The following HEPH variants were observed in gnomAD, a reference collection of about 807,000 sequenced individuals.
HEPH encodes the protein hephaestin.
Under a neutral mutation model 80.8 loss-of-function variants are expected in HEPH, and 69 were observed. That is an observed-to-expected ratio of 0.85 (90% CI 0.70 to 1.04). The LOEUF (loss-of-function observed/expected upper bound fraction) is 1.04, where lower values mean the gene tolerates loss of function less well. HEPH is among the 50% of genes least tolerant of loss of function. HEPH has a pLI of 0.00. For missense variants in HEPH, 1,115 were observed against 891.3 expected, an observed-to-expected ratio of 1.25 and a Z score of -3.20; for synonymous variants, 431 against 322.8, an observed-to-expected ratio of 1.34 and a Z score of -3.60.
At chrX:66,212,526 C>G (rs1158330322) in intron 15 of HEPH, among the ~76,000 whole-genome samples, 1 of 111,656 alleles carries the variant, frequency 9.0e-6, no homozygotes, top group Non-Finnish European at 1.9e-5. Flanking sequence ...TTTTATTCTT[C>G]TGCATGTGGC....
At position 66,189,675 on chromosome X, in the gene HEPH, C is replaced by A. The variant is rs2087685324; in HGVS notation, c.809-9C>A. Reference sequence around the variant, plus strand: ...AATCCTGATATTTTCTTTGGGTTTTCTTTTGCAGCAATCAATGGCTTTGTT... The same window carrying A: ...AATCCTGATATTTTCTTTGGGTTTTATTTTGCAGCAATCAATGGCTTTGTT... On this transcript the variant is annotated splice_polypyrimidine_tract_variant and intron_variant, in intron 5 of 20. Transcript: ENST00000343002. 8.3e-7 allele frequency: 1 copy of A among 1,202,877 alleles called. No homozygotes were observed. The highest frequency in any genetic ancestry group is 3.0e-5 in the East Asian group (1 of 33,625).
intron 15 of HEPH, among the ~76,000 whole-genome samples, chrX:66,247,968 G>GATTTGC (rs1457030059): frequency 1.8e-5 from 2 of 111,601 alleles, no homozygotes; most frequent in Non-Finnish European, 3.8e-5. Flanking sequence ...AAACTCCTCT[G>GATTTGC]ATTTGCACCA....
intron 15 of HEPH, among the ~76,000 whole-genome samples, chrX:66,248,656 GA>G (rs1476576935): frequency 8.9e-6 from 1 of 112,209 alleles, no homozygotes; most frequent in Non-Finnish European, 1.9e-5. Context: ...TGTGAAGAAG[GA>G]AAAATAAATT....
chrX:66,237,253 G>A (rs772884369), intron 15 of HEPH, among the ~76,000 whole-genome samples: 1 of 110,154 alleles, frequency 9.1e-6, no homozygotes, highest in South Asian at 3.9e-4. Flanking sequence ...TTGTGATGTG[G>A]GCATTTTGTG....
At chrX:66,186,718 G>C (rs967489259) in intron 4 of HEPH, among the ~76,000 whole-genome samples, 1 of 111,825 alleles carries the variant, frequency 8.9e-6, no homozygotes, top group Non-Finnish European at 1.9e-5. Context: ...GGCCATCTTT[G>C]CTCCTCCTCC....
intron 15 of HEPH, among the ~76,000 whole-genome samples, chrX:66,229,932 C>G (rs1278777270): frequency 2.3e-4 from 18 of 76,597 alleles, no homozygotes; most frequent in Admixed American, 1.1e-3. Flanking sequence ...CCCCTCCCCC[C>G]ACCCCACCAC....
chrX:66,249,460 C>A (rs772354889), intron 15 of HEPH, among the ~76,000 whole-genome samples: 129 of 111,507 alleles, frequency 1.2e-3, no homozygotes, highest in African/African-American at 4.1e-3. Flanking sequence ...AGGTAAGGAA[C>A]AAATGAGGCT....
Position 66,263,682 on chromosome X carries a change from GA to G in HEPH, c.3243del (p.Ala1082GlnfsTer12). ...TCTCACCGTCATCACCAAAGAGACTGAAAAAGGTACGTAAAATGATGCACAG... is the reference window on the plus strand; with the variant it reads ...TCTCACCGTCATCACCAAAGAGACTGAAAAGGTACGTAAAATGATGCACAG... ...SPLTVITKETEKAVPPRDIEE... is the reference protein window; with the variant it reads ...SPLTVITKETXKAVPPRDIEE... On this transcript the variant is annotated frameshift_variant, in exon 20 of 21. Coordinates refer to ENST00000343002, the MANE Select transcript of HEPH (RefSeq NM_001367233.3). LOFTEE classifies it high-confidence loss of function. The G allele has an allele frequency of 8.3e-7, 1 of 1,209,060 alleles. No homozygotes were observed. Among genetic ancestry groups the G allele is most frequent in the Non-Finnish European group, 1.1e-6 (1 of 893,586 alleles).
Position 66,203,533 on chromosome X carries a change from C to A in HEPH, c.2247C>A (p.Asp749Glu). 2 of 1,211,690 alleles carry A rather than the reference C, an allele frequency of 1.7e-6. No homozygotes were observed. The highest frequency in any genetic ancestry group is 1.8e-5 in the South Asian group (1 of 56,933). ...AEEVEWDYCP[D>E]RSWEREWHNQ... ...AAGTAGAGTGGGACTATTGCCCTGA[C>A]CGGAGCTGGGAACGGGAATGGCACA... Residue 749 changes from aspartate to glutamate, a missense_variant, in exon 13 of 21, where the codon GAC (aspartate) becomes GAA (glutamate). Physicochemically the swap from Asp to Glu is conservative, Grantham distance 45 (BLOSUM62 2). This residue lies in a region of HEPH where 716 missense variants were observed against 523.5 expected (regional missense o/e 1.37). Coordinates refer to ENST00000343002, the MANE Select transcript of HEPH (RefSeq NM_001367233.3).
chrX:66,205,263 G>A (rs757171285), intron 13 of HEPH, among the ~76,000 whole-genome samples: 28 of 111,585 alleles, frequency 2.5e-4, no homozygotes, highest in Non-Finnish European at 4.1e-4. Flanking sequence ...TTCAACCCTT[G>A]CCCTCCACCC....
intron 15 of HEPH, among the ~76,000 whole-genome samples, chrX:66,227,506 A>AT (rs2089941815): frequency 8.9e-6 from 1 of 111,733 alleles, no homozygotes; most frequent in African/African-American, 3.3e-5. Flanking sequence ...TGATGACATG[A>AT]TTGTATACCT....
At position 66,266,645 on chromosome X, in the gene HEPH, C is replaced by T; in HGVS notation, c.3450C>T (p.Ser1150=). The change falls in exon 21 of 21, where the codon AGC becomes AGT. Residue 1150 remains serine, a synonymous_variant. Transcript: ENST00000343002. The part of the protein sequence containing the change: ...RRNRRSILDD[S]FKLLSFKQ ...ATAGGAGGTCCATCCTGGATGACAG[C>T]TTCAAGCTTCTGTCTTTCAAACAGT... 1 of 1,204,332 alleles carries T rather than the reference C, an allele frequency of 8.3e-7. No homozygotes were observed. The highest frequency in any genetic ancestry group is 1.1e-6 in the Non-Finnish European group (1 of 889,706).
At chrX:66,234,362 T>C (rs1280554376) in intron 15 of HEPH, among the ~76,000 whole-genome samples, 1 of 111,827 alleles carries the variant, frequency 8.9e-6, no homozygotes, top group African/African-American at 3.2e-5. Flanking sequence ...CTATTGCGAA[T>C]AGTGCTGCAA....
chrX:66,186,537 G>A (rs1178721993), intron 4 of HEPH, among the ~76,000 whole-genome samples: 2 of 112,956 alleles, frequency 1.8e-5, no homozygotes, highest in Non-Finnish European at 3.7e-5. Flanking sequence ...TCCCGGTGAG[G>A]CAATGCCTTG....
intron 4 of HEPH, among the ~76,000 whole-genome samples, chrX:66,180,870 C>A (rs12012685): frequency 0.32 from 22,364 of 70,486 alleles, 5,326 homozygotes; most frequent in African/African-American, 0.74. Flanking sequence ...ACCACAGTCC[C>A]CAGAGTGTGA....
intron 10 of HEPH, among the ~76,000 whole-genome samples, chrX:66,198,149 T>G (rs1220421210): frequency 9.2e-6 from 1 of 108,973 alleles, no homozygotes; most frequent in Non-Finnish European, 1.9e-5. Flanking sequence ...CTTTCCTCCC[T>G]CCTTCCCTCC....
At chrX:66,238,121 A>G (rs976948753) in intron 15 of HEPH, among the ~76,000 whole-genome samples, 1 of 111,544 alleles carries the variant, frequency 9.0e-6, no homozygotes, top group African/African-American at 3.3e-5. Context: ...ATTTACATTC[A>G]AGGTTAGTAT....
chrX:66,263,605 C>A (rs1454452401), intron 19 of HEPH, 39 bp from the exon 20 acceptor site: 16 of 1,199,076 alleles, frequency 1.3e-5, no homozygotes, highest in Non-Finnish European at 1.8e-5. Flanking sequence ...GTAGGAAGAA[C>A]AATAAGGCTA....
At chrX:66,213,083 T>A (rs1402232236) in intron 15 of HEPH, among the ~76,000 whole-genome samples, 12 of 109,725 alleles carry the variant, frequency 1.1e-4, no homozygotes. Context: ...GTGCACAAAA[T>A]GCAGGTTAGT....
Sources: gnomAD v4.1 joint callset for allele counts (sites outside exome capture counted in the v4.1 genomes callset) on GRCh38, gnomAD v4.1.1 for gene constraint, gnomAD v4.1.1 regional missense constraint, MANE v1.5 for transcripts, NCBI Gene and HGNC (gene_info 2026-07-23, HGNC 2026-07-21) for gene names.